The following PRLR variants were observed in gnomAD, a reference collection of about 807,000 sequenced individuals.
PRLR encodes prolactin receptor, also known as hPRL receptor.
PRLR carries 13 observed loss-of-function variants against 40.2 expected under a neutral mutation model. The ratio of observed to expected loss-of-function variants is 0.32; its 90% CI spans 0.21 to 0.51. The LOEUF (loss-of-function observed/expected upper bound fraction) is 0.51, where lower values mean the gene tolerates loss of function less well. PRLR is among the 20% of genes least tolerant of loss of function. The probability of loss-of-function intolerance (pLI) is 0.97; values close to 1 mark genes in which losing one functional copy is unlikely to be tolerated. For synonymous variants in PRLR, 269 were observed against 278.7 expected (o/e 0.97, Z 0.35); for missense variants, 656 against 747.3 (o/e 0.88, Z 1.42).
chr5:35,135,471 ATCT>A (rs1773827239), intron 1 of PRLR: 1 of 152,106 alleles, frequency 6.6e-6, no homozygotes, highest in South Asian at 2.1e-4. Flanking sequence ...GGTTTTATTG[ATCT>A]GTTTTGTGTC....
At chr5:35,215,972 A>G (rs1047333443) in intron 1 of PRLR, among the ~76,000 whole-genome samples, 2 of 151,266 alleles carry the variant, frequency 1.3e-5, no homozygotes, top group Non-Finnish European at 2.9e-5. Context: ...CAGGAGGCAG[A>G]GGTTGCAGTG....
At chr5:35,092,002 C>T (rs553487758) in intron 2 of PRLR, among the ~76,000 whole-genome samples, 130 of 152,214 alleles carry the variant, frequency 8.5e-4, no homozygotes, top group African/African-American at 2.7e-3. Flanking sequence ...AGAGCTTTGT[C>T]GAAGCAGGGC....
Position 35,082,358 on chromosome 5 carries a change from G to A in PRLR, c.373+2112C>T, listed in dbSNP as rs115421113. Among the ~76,000 whole-genome samples the A allele has an allele frequency of 2.2e-3, 333 of 152,126 alleles. 4 individuals carry two copies. The highest frequency in any genetic ancestry group is 7.7e-3 in the African/African-American group (321 of 41,512). ...TTCTGATAAAAAATTATACAAAAACGCAAATAAAATGTTGAGGATGTATCT... is the reference window on the plus strand; with the variant it reads ...TTCTGATAAAAAATTATACAAAAACACAAATAAAATGTTGAGGATGTATCT... On this transcript the variant is annotated intron_variant, in intron 5 of 9. Coordinates refer to ENST00000618457, the MANE Select transcript of PRLR (RefSeq NM_000949.7).
At position 35,070,225 on chromosome 5, in the gene PRLR, C is replaced by G; in HGVS notation, c.584G>C (p.Ser195Thr). ...AAGGTATTTCTGTCCTGGATGTAGG[C>G]TGAGAATCTTAAACTCTGTTTGCTG... Reference protein sequence around the residue: ...AGQQTEFKILSLHPGQKYLVQ... With the variant: ...AGQQTEFKILTLHPGQKYLVQ... Residue 195 changes from serine (S) to threonine (T), a missense_variant, in exon 7 of 10, where the codon AGC becomes ACC. Ser to Thr is a moderately conservative substitution (Grantham distance 58). Around this residue, in one of 3 missense-constraint regions of PRLR, gnomAD observed 180 missense variants for 236.8 expected, o/e 0.76. Transcript: ENST00000618457. 1 of 1,614,104 alleles carries G rather than the reference C, an allele frequency of 6.2e-7. No homozygotes were observed.
intron 2 of PRLR, among the ~76,000 whole-genome samples, chr5:35,097,388 A>T (rs549942729): frequency 3.7e-4 from 56 of 152,348 alleles, no homozygotes; most frequent in Middle Eastern, 3.4e-3. Flanking sequence ...CCTTTCTAAC[A>T]GATGAGGACA....
intron 1 of PRLR, among the ~76,000 whole-genome samples, chr5:35,125,464 A>T (rs1479270040): frequency 2.0e-5 from 3 of 152,358 alleles, no homozygotes; most frequent in East Asian, 3.9e-4. Context: ...AATACCTCCG[A>T]GTGATGAAAA....
downstream of PRLR, chr5:35,055,558 G>A (rs1361046454): frequency 6.6e-6 from 1 of 151,808 alleles, no homozygotes; most frequent in Non-Finnish European, 1.5e-5. Context: ...TTTATTTCCG[G>A]AGTTAAAATG....
intron 2 of PRLR, among the ~76,000 whole-genome samples, chr5:35,102,584 C>G (rs1363042640): frequency 7.1e-6 from 1 of 140,324 alleles, no homozygotes; most frequent in Non-Finnish European, 1.5e-5. Context: ...GCTCTGTTGC[C>G]CAGGCTGGAG....
intron 1 of PRLR, among the ~76,000 whole-genome samples, chr5:35,224,150 A>G (rs1489975917): frequency 1.3e-5 from 2 of 152,164 alleles, no homozygotes. Context: ...TCCCTAGAAG[A>G]AAACTGCCGC....
intron 4 of PRLR, 28 bp downstream of exon 4, chr5:35,086,179 GT>G: frequency 6.2e-7 from 1 of 1,612,710 alleles, no homozygotes; most frequent in Non-Finnish European, 8.5e-7. Flanking sequence ...CTCATGTGGG[GT>G]TTCATAGGAG....
rs140386226 is a variant in PRLR, at chr5:35,068,865, A to T, written c.699T>A (p.Asn233Lys). ...CCACAGAGATCCACACGGTTGTATC[A>T]TTCATGGTGAAGTCTAAAAAACAAA... is the stretch of plus-strand genomic sequence containing the variant. Reference protein sequence around the residue: ...FIQIPSDFTMNDTTVWISVAV... With the variant: ...FIQIPSDFTMKDTTVWISVAV... The change falls in exon 8 of 10, where the codon AAT (asparagine) becomes AAA (lysine). Residue 233 changes from asparagine (N) to lysine (K), a missense_variant. By Grantham distance (94) the Asn-to-Lys change is moderately conservative. Transcript: ENST00000618457. 89 of 1,611,670 alleles carry T rather than the reference A, an allele frequency of 5.5e-5. No homozygotes were observed. In the African/African-American group the frequency reaches 9.3e-4, roughly 17 times the overall value.
intron 1 of PRLR, among the ~76,000 whole-genome samples, chr5:35,185,560 A>G (rs568409544): frequency 8.5e-5 from 13 of 152,250 alleles, no homozygotes; most frequent in African/African-American, 2.6e-4. Flanking sequence ...GGGGACAAAA[A>G]TCCCCATGGC....
chr5:35,211,636 C>T (rs1007221154), intron 1 of PRLR, among the ~76,000 whole-genome samples: 1 of 152,120 alleles, frequency 6.6e-6, no homozygotes, highest in African/African-American at 2.4e-5. Context: ...TGATAGTTAA[C>T]TTAAGATACT....
chr5:35,189,441 C>T (rs985499363), intron 1 of PRLR, among the ~76,000 whole-genome samples: 16 of 152,198 alleles, frequency 1.1e-4, no homozygotes, highest in East Asian at 7.7e-4. Flanking sequence ...ATTAACCAGG[C>T]GCCATGGTGC....
chr5:35,209,216 A>G (rs1241293142), intron 1 of PRLR, among the ~76,000 whole-genome samples: 2 of 152,106 alleles, frequency 1.3e-5, no homozygotes, highest in African/African-American at 4.8e-5. Flanking sequence ...TGCCAAAAAA[A>G]TTATAAAAAT....
chr5:35,223,186 G>C (rs764713597), intron 1 of PRLR, among the ~76,000 whole-genome samples: 2 of 152,170 alleles, frequency 1.3e-5, no homozygotes, highest in African/African-American at 2.4e-5. Flanking sequence ...TCACACTCTT[G>C]GTTGTCCATT....
rs563337796 is a variant in PRLR, at chr5:35,057,696, C to T, written c.*7393G>A. On this transcript the variant is annotated 3_prime_UTR_variant, in exon 10 of 10. Transcript: ENST00000618457. ...ACAATGTGCCATAAGCAAAGATTTA[C>T]AGAATGAAAAATGCAAAATAACAAA... is the stretch of plus-strand genomic sequence containing the variant. The T allele has an allele frequency of 6.6e-6, 1 of 151,936 alleles. No individual in the cohort carries two copies. The highest frequency in any genetic ancestry group is 1.5e-5 in the Non-Finnish European group (1 of 67,956). 9.4% of individuals were successfully genotyped at this position (151,936 alleles called of 1,614,324 possible). A position where few individuals can be genotyped will look rare whatever the true frequency, so the allele number is the denominator to read the frequency against.
At chr5:35,049,243 G>T in exon 9 of PRLR, 1 of 702,810 alleles carries the variant, frequency 1.4e-6, no homozygotes, top group Non-Finnish European at 2.6e-6. Flanking sequence ...GGACAGAGGG[G>T]AGAAAATGTT....
At chr5:35,082,503 C>T (rs1770585124) in intron 5 of PRLR, among the ~76,000 whole-genome samples, 1 of 150,340 alleles carries the variant, frequency 6.7e-6, no homozygotes, top group African/African-American at 2.5e-5. Flanking sequence ...CTTTATGCAC[C>T]ACATACAAGT....
Sources: gnomAD v4.1 joint callset for allele counts (sites outside exome capture counted in the v4.1 genomes callset) on GRCh38, gnomAD v4.1.1 for gene constraint, gnomAD v4.1.1 regional missense constraint, MANE v1.5 for transcripts, NCBI Gene and HGNC (gene_info 2026-07-23, HGNC 2026-07-21) for gene names.